The following SCHIP1 variants were observed in gnomAD, a reference collection of about 807,000 sequenced individuals.
The protein encoded by SCHIP1 is schwannomin-interacting protein 1.
A neutral mutation model predicts 29.7 loss-of-function variants in SCHIP1; 8 were observed. The ratio of observed to expected loss-of-function variants is 0.27; its 90% CI spans 0.16 to 0.49. The LOEUF (loss-of-function observed/expected upper bound fraction) is 0.49. Ranked by LOEUF, SCHIP1 falls within the 20% of genes least tolerant of loss-of-function variation. The pLI is 0.99. For missense variants in SCHIP1, 193 were observed against 294.6 expected, an observed-to-expected ratio of 0.66 and a Z score of 2.52; for synonymous variants, 76 against 94.9, an observed-to-expected ratio of 0.80 and a Z score of 1.16.
At chr3:159,888,744 G>GACCC in intron 4 of SCHIP1, 76 bp from the exon 6 acceptor site, 1 of 1,561,038 alleles carries the variant, frequency 6.4e-7, no homozygotes, top group African/African-American at 1.4e-5. Flanking sequence ...GGTCTTTTAA[G>GACCC]AGAAAACTGG....
the SCHIP1 span, among the ~76,000 whole-genome samples, chr3:159,487,768 A>G: frequency 1.3e-5 from 2 of 152,276 alleles, no homozygotes; most frequent in East Asian, 3.9e-4. Context: ...AGGCAGAATC[A>G]CCTTCTTAGT....
chr3:159,750,261 GTGTATA>G, the SCHIP1 span, among the ~76,000 whole-genome samples: 10 of 11,806 alleles, frequency 8.5e-4, no homozygotes, highest in African/African-American at 1.5e-3. Context: ...GTATGTGTGT[GTGTATA>G]TATATATATA....
the SCHIP1 span, among the ~76,000 whole-genome samples, chr3:159,426,744 T>G: frequency 3.3e-5 from 5 of 152,148 alleles, 1 homozygote; most frequent in African/African-American, 1.2e-4. Flanking sequence ...AAGAAAATTT[T>G]AGACCGATAT....
chr3:159,423,438 C>G, the SCHIP1 span, among the ~76,000 whole-genome samples: 2 of 152,212 alleles, frequency 1.3e-5, no homozygotes, highest in East Asian at 3.9e-4. Context: ...CCTATGCCCA[C>G]GGAGTCTTGC....
the SCHIP1 span, among the ~76,000 whole-genome samples, chr3:159,444,698 T>A: frequency 1.6e-4 from 25 of 152,258 alleles, no homozygotes; most frequent in African/African-American, 5.1e-4. Context: ...GCAAATCATA[T>A]GCAGAATGAG....
the SCHIP1 span, among the ~76,000 whole-genome samples, chr3:159,425,033 T>C: frequency 8.6e-5 from 13 of 151,548 alleles, no homozygotes; most frequent in African/African-American, 1.9e-4. Context: ...AAAGAGCTCC[T>C]GAAGGAAGCA....
At chr3:159,865,866 TAAG>T (rs1398630342) in intron 1 of SCHIP1, among the ~76,000 whole-genome samples, 2 of 152,182 alleles carry the variant, frequency 1.3e-5, no homozygotes, top group Admixed American at 6.5e-5. Context: ...ACCTAGCAGG[TAAG>T]AAGAAGAAAG....
intron 1 of SCHIP1, chr3:159,853,340 G>A: frequency 2.9e-6 from 2 of 679,646 alleles, no homozygotes; most frequent in East Asian, 2.8e-5. Flanking sequence ...CAGAATTCAT[G>A]GGAGGTTATT....
the SCHIP1 span, among the ~76,000 whole-genome samples, chr3:159,660,349 T>TC: frequency 1.3e-5 from 2 of 152,164 alleles, no homozygotes; most frequent in Non-Finnish European, 2.9e-5. Context: ...CATTGTCTTT[T>TC]CCCCTGAAAC....
At chr3:159,664,173 C>A in the SCHIP1 span, among the ~76,000 whole-genome samples, 38 of 152,176 alleles carry the variant, frequency 2.5e-4, no homozygotes, top group Non-Finnish European at 4.9e-4. Flanking sequence ...ACATTTCATT[C>A]ATCTCTCCCC....
the SCHIP1 span, among the ~76,000 whole-genome samples, chr3:159,369,727 A>AT: frequency 6.6e-6 from 1 of 152,180 alleles, no homozygotes; most frequent in Non-Finnish European, 1.5e-5. Flanking sequence ...TCAGCCTCAT[A>AT]TCCAAATGTT....
intron 1 of SCHIP1, among the ~76,000 whole-genome samples, chr3:159,846,467 A>G (rs1205287071): frequency 6.6e-6 from 1 of 152,224 alleles, no homozygotes; most frequent in South Asian, 2.1e-4. Context: ...TTCTATCCCT[A>G]TCGACACCAG....
chr3:159,677,457 A>G, the SCHIP1 span, among the ~76,000 whole-genome samples: 1 of 149,674 alleles, frequency 6.7e-6, no homozygotes. Context: ...GAGAATCAGG[A>G]AGCCAGCTGT....
the SCHIP1 span, among the ~76,000 whole-genome samples, chr3:159,323,731 C>T: frequency 6.6e-6 from 1 of 152,184 alleles, no homozygotes; most frequent in African/African-American, 2.4e-5. Context: ...CAGCCACTGT[C>T]ACTTGGTTTG....
the SCHIP1 span, among the ~76,000 whole-genome samples, chr3:159,548,793 A>G: frequency 6.6e-6 from 1 of 152,026 alleles, no homozygotes. Flanking sequence ...CATTATGAAT[A>G]TGTTTCCTTT....
At chr3:159,539,601 T>C in the SCHIP1 span, among the ~76,000 whole-genome samples, 2 of 135,352 alleles carry the variant, frequency 1.5e-5, 1 homozygote, top group African/African-American at 5.1e-5. Flanking sequence ...AGGCTAGATA[T>C]ACAGTCCTCG....
chr3:159,422,800 A>C, the SCHIP1 span, among the ~76,000 whole-genome samples: 2 of 152,216 alleles, frequency 1.3e-5, no homozygotes, highest in Non-Finnish European at 2.9e-5. Context: ...ATTGCTGTAC[A>C]GTATTCCATT....
At chr3:159,593,430 T>A in the SCHIP1 span, among the ~76,000 whole-genome samples, 1 of 152,028 alleles carries the variant, frequency 6.6e-6, no homozygotes, top group Admixed American at 6.6e-5. Flanking sequence ...ACCCAGAATA[T>A]CACAGTCCCT....
At chr3:159,588,301 C>G in the SCHIP1 span, among the ~76,000 whole-genome samples, 1 of 151,996 alleles carries the variant, frequency 6.6e-6, no homozygotes, top group Non-Finnish European at 1.5e-5. Flanking sequence ...CCTTTGCCCA[C>G]TTTTGAATGA....
Sources: allele counts gnomAD v4.1 joint callset (sites outside exome capture counted in the v4.1 genomes callset), GRCh38; gene constraint gnomAD v4.1.1; transcripts MANE v1.5; gene names NCBI Gene and HGNC (gene_info 2026-07-23, HGNC 2026-07-21).